Variants in ZNF541 observed in about 807,000 individuals in gnomAD.
ZNF541 encodes the protein zinc finger protein 541.
ZNF541 carries 23 observed loss-of-function variants against 123.5 expected under a neutral mutation model. That is an observed-to-expected ratio of 0.19 (90% CI 0.13 to 0.26). The LOEUF (loss-of-function observed/expected upper bound fraction) is 0.26, where lower values mean the gene tolerates loss of function less well. Ranked by LOEUF, ZNF541 falls within the 10% of genes least tolerant of loss-of-function variation. The pLI, the probability that ZNF541 is intolerant of heterozygous loss-of-function variation, is 1.00. For missense variants in ZNF541, 1,612 were observed against 1,789.9 expected, an observed-to-expected ratio of 0.90 and a Z score of 1.79; for synonymous variants, 751 against 754.5, an observed-to-expected ratio of 1.00 and a Z score of 0.08.
In ZNF541 at chr19:47,545,190, A is replaced by C. The variant is rs1159789511; in HGVS notation, c.1339T>G (p.Ser447Ala). Residue 447 changes from serine to alanine, a missense_variant, in exon 5 of 17, where the codon TCT (serine) becomes GCT (alanine). Physicochemically the swap from Ser to Ala is moderately conservative, Grantham distance 99. Around this residue, in one of 5 missense-constraint regions of ZNF541, gnomAD observed 1,080 missense variants for 1,013.8 expected, o/e 1.07. Coordinates refer to ENST00000391901, the MANE Select transcript of ZNF541 (RefSeq NM_001277075.3). The surrounding 1 kb of genome is among the most constrained non-coding windows in gnomAD (Gnocchi z 7.5). ...SAVPSREGSE[S>A]GPGPSSGSPS... is the part of the protein sequence containing the mutation. ...CTTCCGCTGCTGGGTCCCGGGCCAG[A>C]CTCGGAGCCCTCCCGCGAGGGCACG... 6.6e-7 allele frequency: 1 copy of C among 1,515,922 alleles called. No homozygotes were observed. Among genetic ancestry groups the C allele is most frequent in the Non-Finnish European group, 8.9e-7 (1 of 1,129,908 alleles). The allele number at this position is 1,515,922 out of a possible 1,614,324, so 93.9% of individuals were successfully genotyped here. A position where few individuals can be genotyped will look rare whatever the true frequency, so the allele number is the denominator to read the frequency against.
chr19:47,570,175 G>A (rs540497208), intron 2 of ZNF541, among the ~76,000 whole-genome samples: 1 of 152,012 alleles, frequency 6.6e-6, no homozygotes, highest in African/African-American at 2.4e-5. Flanking sequence ...TCGGGAGGCT[G>A]AGGCAGGAGA....
chr19:47,552,742 C>CAAAAAAAAA (rs573248609), intron 3 of ZNF541, among the ~76,000 whole-genome samples: 8 of 26,126 alleles, frequency 3.1e-4, no homozygotes, highest in African/African-American at 8.4e-4. Context: ...GACTCCATCT[C>CAAAAAAAAA]AAAAAAAAAA....
Position 47,539,823 on chromosome 19 carries a change from TC to T in ZNF541, c.2677del (p.Asp893ThrfsTer31). The T allele has an allele frequency of 6.7e-7, 1 of 1,501,174 alleles. No homozygotes were observed. Among genetic ancestry groups the T allele is most frequent in the Non-Finnish European group, 8.8e-7 (1 of 1,132,410 alleles). 93.0% of individuals were successfully genotyped at this position (1,501,174 alleles called of 1,614,324 possible). A position where few individuals can be genotyped will look rare whatever the true frequency, so the allele number is the denominator to read the frequency against. ...PLRQVLRPEG[D>X]RHSPPGTKKP... is the part of the protein sequence containing the mutation. ...CTTGGTTCCTGGGGGACTATGCCTG[TC>T]CCCTTCTGGCCTCAGCACCTGTCTT... On this transcript the variant is annotated frameshift_variant, in exon 8 of 17. Coordinates refer to ENST00000391901, the MANE Select transcript of ZNF541 (RefSeq NM_001277075.3). LOFTEE classifies it high-confidence loss of function.
rs979230138 is a variant in ZNF541 at position 47,544,988 on chromosome 19, T to C, written c.1541A>G (p.Gln514Arg). Reference sequence around the variant, plus strand: ...CTGGAGGCCGGGCTCCCCGGGGTTCTGGCACAGGAAGGAGTCGCAGTCGAC... The same window carrying C: ...CTGGAGGCCGGGCTCCCCGGGGTTCCGGCACAGGAAGGAGTCGCAGTCGAC... ...VKVDCDSFLCQNPGEPGLQEA... is the reference protein window; with the variant it reads ...VKVDCDSFLCRNPGEPGLQEA... The change falls in exon 5 of 17, where the codon CAG becomes CGG. Residue 514 changes from glutamine (Q) to arginine (R), a missense_variant. This residue lies in a region of ZNF541 where 1,080 missense variants were observed against 1,013.8 expected (regional missense o/e 1.07). Coordinates refer to ENST00000391901, the MANE Select transcript of ZNF541 (RefSeq NM_001277075.3). The C allele has an allele frequency of 2.0e-6, 3 of 1,528,432 alleles. No homozygotes were observed. The African/African-American group carries it at 4.1e-5, about 21-fold the overall frequency. 94.7% of individuals were successfully genotyped at this position (1,528,432 alleles called of 1,614,324 possible). A position where few individuals can be genotyped will look rare whatever the true frequency, so the allele number is the denominator to read the frequency against.
At chr19:47,531,836 G>GAAGGCACCCCCTCTC in intron 11 of ZNF541, 91 bp from the exon 12 acceptor site, 2 of 1,199,874 alleles carry the variant, frequency 1.7e-6, no homozygotes, top group Non-Finnish European at 2.3e-6. Context: ...CAGAGAGGGG[G>GAAGGCACCCCCTCTC]TGCCTTCCCC....
intron 14 of ZNF541, among the ~76,000 whole-genome samples, chr19:47,526,477 A>T (rs1313766646): frequency 7.0e-6 from 1 of 143,022 alleles, no homozygotes. Flanking sequence ...GTGAGACTCC[A>T]TCTCAAAAAA....
intron 14 of ZNF541, among the ~76,000 whole-genome samples, chr19:47,523,299 A>G (rs558430949): frequency 6.8e-6 from 1 of 147,910 alleles, no homozygotes; most frequent in South Asian, 2.1e-4. Context: ...AAGTGCTGGC[A>G]TTACAGGCGT....
chr19:47,523,265 TG>T (rs1370261314), intron 14 of ZNF541, among the ~76,000 whole-genome samples: 2 of 147,362 alleles, frequency 1.4e-5, no homozygotes, highest in African/African-American at 5.1e-5. Context: ...CCTGACCTTG[TG>T]ATCTACCTGC....
intron 8 of ZNF541, 62 bp from the exon 9 acceptor site, chr19:47,538,501 A>C: frequency 7.2e-7 from 1 of 1,398,532 alleles, no homozygotes; most frequent in Non-Finnish European, 9.4e-7. Flanking sequence ...CTCCATCTCC[A>C]GGATGGAAAG....
At chr19:47,539,389 T>G (rs941342752) in intron 8 of ZNF541, among the ~76,000 whole-genome samples, 6 of 151,606 alleles carry the variant, frequency 4.0e-5, no homozygotes, top group Non-Finnish European at 8.8e-5. Context: ...AACCTCTCCT[T>G]CCTGGGTTCA....
chr19:47,543,106 C>T (rs1408595011), intron 5 of ZNF541, among the ~76,000 whole-genome samples: 2 of 151,962 alleles, frequency 1.3e-5, no homozygotes, highest in Non-Finnish European at 2.9e-5. Context: ...GAGACCCCCT[C>T]CATCTCTAAA....
chr19:47,525,784 C>A (rs1316206477), intron 14 of ZNF541, among the ~76,000 whole-genome samples: 1 of 151,918 alleles, frequency 6.6e-6, no homozygotes, highest in Non-Finnish European at 1.5e-5. Context: ...ATGGTGGTGG[C>A]ATGTGCCTGT....
chr19:47,525,457 C>T (rs1346138212), intron 14 of ZNF541, among the ~76,000 whole-genome samples: 1 of 152,038 alleles, frequency 6.6e-6, no homozygotes, highest in Admixed American at 6.6e-5. Flanking sequence ...TAGAAAGCTA[C>T]AGTAGTAAAA....
At chr19:47,538,701 A>G (rs978967801) in intron 8 of ZNF541, among the ~76,000 whole-genome samples, 3 of 152,140 alleles carry the variant, frequency 2.0e-5, no homozygotes, top group Non-Finnish European at 4.4e-5. Context: ...CATTAAGATG[A>G]CTGGCCCTTA....
intron 7 of ZNF541, 85 bp downstream of exon 7, chr19:47,540,091 G>A: frequency 6.8e-7 from 1 of 1,473,914 alleles, no homozygotes; most frequent in Non-Finnish European, 9.0e-7. Flanking sequence ...TCCCCATCCT[G>A]AGATAAGTGA....
At chr19:47,556,951 T>G (rs777922658) in intron 2 of ZNF541, among the ~76,000 whole-genome samples, 1 of 151,742 alleles carries the variant, frequency 6.6e-6, no homozygotes, top group Admixed American at 6.6e-5. Context: ...AGAGATAGGG[T>G]TTCACCATGT....
At chr19:47,542,275 G>A (rs1269835017) in intron 5 of ZNF541, among the ~76,000 whole-genome samples, 1 of 152,158 alleles carries the variant, frequency 6.6e-6, no homozygotes, top group Non-Finnish European at 1.5e-5. Flanking sequence ...GGTTCCTTTT[G>A]GGGAGATGAA....
At chr19:47,535,859 G>A (rs966665307) in intron 9 of ZNF541, among the ~76,000 whole-genome samples, 1 of 152,154 alleles carries the variant, frequency 6.6e-6, no homozygotes, top group Non-Finnish European at 1.5e-5. Context: ...GGCGCTAGAG[G>A]AATTAAAGAC....
chr19:47,572,138 G>A (rs1745364744), intron 1 of ZNF541, among the ~76,000 whole-genome samples, 96 bp from the exon 2 acceptor site: 1 of 152,222 alleles, frequency 6.6e-6, no homozygotes, highest in Non-Finnish European at 1.5e-5. Context: ...AACAATTTTT[G>A]GAAGAAGGCA....
Sources: gnomAD v4.1 joint callset for allele counts (sites outside exome capture counted in the v4.1 genomes callset) on GRCh38, gnomAD v4.1.1 for gene constraint, gnomAD v4.1.1 regional missense constraint, Gnocchi (gnomAD v3.1) non-coding constraint, MANE v1.5 for transcripts, NCBI Gene and HGNC (gene_info 2026-07-23, HGNC 2026-07-21) for gene names.